The following FRAS1 variants were observed in gnomAD, a reference collection of about 807,000 sequenced individuals.
The protein encoded by FRAS1 is Fraser extracellular matrix complex subunit 1, also known as extracellular matrix organizing protein FRAS1.
FRAS1 carries 290 observed loss-of-function variants against 435.2 expected under a neutral mutation model. That is an observed-to-expected ratio of 0.67 (90% CI 0.61 to 0.73). The LOEUF (loss-of-function observed/expected upper bound fraction) is 0.73, where lower values mean the gene tolerates loss of function less well. Among genes scored for constraint, FRAS1 ranks in the 30% least tolerant of loss-of-function variants. The probability of loss-of-function intolerance (pLI) is 0.00; values close to 1 mark genes in which losing one functional copy is unlikely to be tolerated. For synonymous variants in FRAS1, 1,800 were observed against 1,851.0 expected (o/e 0.97, Z 0.71); for missense variants, 4,860 against 5,001.5 (o/e 0.97, Z 0.85).
intron 2 of FRAS1, among the ~76,000 whole-genome samples, chr4:78,072,803 TA>T (rs1740424038): frequency 1.1e-5 from 1 of 93,184 alleles, no homozygotes; most frequent in Admixed American, 1.1e-4. Flanking sequence ...GATAAAAACT[TA>T]TTTTTTTTGC....
In FRAS1 at chr4:78,438,658, T is replaced by A. The variant is rs747610139; in HGVS notation, c.5306T>A (p.Val1769Glu). 7 of 1,613,044 alleles carry A rather than the reference T, an allele frequency of 4.3e-6. No homozygotes were observed. Among genetic ancestry groups the A allele is most frequent in the Non-Finnish European group, 5.9e-6 (7 of 1,179,284 alleles). ...GTLLRISGSE[V>E]EELSEVSNFT... is the part of the protein sequence containing the mutation. Reference sequence around the variant, plus strand: ...CTCTTAAGAATCTCAGGATCTGAGGTGGAAGAGCTCTCAGAAGTTTCCAAT... The same window carrying A: ...CTCTTAAGAATCTCAGGATCTGAGGAGGAAGAGCTCTCAGAAGTTTCCAAT... The change falls in exon 39 of 74, where the codon GTG becomes GAG. Residue 1769 changes from valine to glutamate, a missense_variant. Transcript: ENST00000512123.
intron 2 of FRAS1, chr4:78,070,934 T>C (rs1196122959): frequency 6.6e-6 from 1 of 152,198 alleles, no homozygotes; most frequent in East Asian, 1.9e-4. Context: ...GTGCTGTGAC[T>C]TACAGTGCTC....
At chr4:78,124,922 A>T (rs369752083) in intron 2 of FRAS1, among the ~76,000 whole-genome samples, 2 of 151,866 alleles carry the variant, frequency 1.3e-5, no homozygotes, top group East Asian at 3.9e-4. Flanking sequence ...TATTATGTTG[A>T]TCTTTTCAGA....
rs1199324003 is a variant in FRAS1 at position 78,445,512 on chromosome 4, G to A, written c.5666-10G>A. The A allele has an allele frequency of 6.5e-7, 1 of 1,543,444 alleles. No individual in the cohort carries two copies. The highest frequency in any genetic ancestry group is 1.4e-5 in the African/African-American group (1 of 73,040). On this transcript the variant is annotated splice_polypyrimidine_tract_variant and intron_variant, in intron 41 of 73. Coordinates refer to ENST00000512123, the MANE Select transcript of FRAS1 (RefSeq NM_025074.7). ...ATCAAGGTAAAAATGCTCTCTTGAT[G>A]TTGATGCAGGTGATCGTTTTGGCCC...
At chr4:78,117,655 C>G (rs1001238141) in intron 2 of FRAS1, among the ~76,000 whole-genome samples, 4 of 152,130 alleles carry the variant, frequency 2.6e-5, no homozygotes, top group Non-Finnish European at 5.9e-5. Flanking sequence ...TCATGTAGTT[C>G]TCGTGCCATG....
intron 36 of FRAS1, 61 bp from the exon 37 acceptor site, chr4:78,430,231 A>T: frequency 6.2e-7 from 1 of 1,607,058 alleles, no homozygotes; most frequent in Non-Finnish European, 8.5e-7. Context: ...GTTTTAATAT[A>T]TAGTCTATCG....
chr4:78,078,333 A>C (rs1260969807), intron 2 of FRAS1, among the ~76,000 whole-genome samples: 1 of 152,156 alleles, frequency 6.6e-6, no homozygotes, highest in Non-Finnish European at 1.5e-5. Flanking sequence ...TTTAAAAAGC[A>C]TGTTTGTCTA....
At chr4:78,342,111 G>T (rs896548473) in intron 20 of FRAS1, among the ~76,000 whole-genome samples, 1 of 152,154 alleles carries the variant, frequency 6.6e-6, no homozygotes. Context: ...TATCCTCTCC[G>T]TGTCCTTGGG....
intron 2 of FRAS1, among the ~76,000 whole-genome samples, chr4:78,121,518 C>T (rs1242313101): frequency 9.9e-5 from 15 of 152,196 alleles, no homozygotes; most frequent in Admixed American, 9.8e-4. Flanking sequence ...ATCAAGCACA[C>T]TCTGTCTATG....
At chr4:78,101,325 A>T (rs1292341686) in intron 2 of FRAS1, among the ~76,000 whole-genome samples, 2 of 152,140 alleles carry the variant, frequency 1.3e-5, no homozygotes, top group Non-Finnish European at 2.9e-5. Flanking sequence ...TTCAACATTT[A>T]GCTCATGTTT....
chr4:78,464,484 T>C lies in FRAS1; in HGVS notation c.6930T>C (p.Asp2310=). 1 of 1,613,998 alleles carries C rather than the reference T, an allele frequency of 6.2e-7. No homozygotes were observed. Among genetic ancestry groups the C allele is most frequent in the African/African-American group, 1.3e-5 (1 of 75,062 alleles). The change falls in exon 49 of 74, where the codon GAT becomes GAC. Residue 2310 remains aspartate, a synonymous_variant. Transcript: ENST00000512123. ...TFHITLHPVD[D]SLPVVQNLGM... is the part of the protein sequence containing the mutation. ...ATATCACTCTTCACCCTGTCGATGATTCGCTGCCCGTCGTACAGAACTTAG... is the reference window on the plus strand; with the variant it reads ...ATATCACTCTTCACCCTGTCGATGACTCGCTGCCCGTCGTACAGAACTTAG...
intron 2 of FRAS1, among the ~76,000 whole-genome samples, chr4:78,232,855 A>G (rs1489416281): frequency 6.6e-6 from 1 of 152,250 alleles, no homozygotes; most frequent in African/African-American, 2.4e-5. Flanking sequence ...TTTGAGATAT[A>G]CAAAGAGGAA....
Position 78,402,725 on chromosome 4 carries a change from T to C in FRAS1, c.4129+1838T>C, listed in dbSNP as rs369780000. ...AGTTTTCCCACCAATGCCCTTTCTA[T>C]GACCCAATCCAGGATCTCAATTACA... is the stretch of plus-strand genomic sequence containing the variant. On this transcript the variant is annotated intron_variant, in intron 30 of 73. Transcript: ENST00000512123. 6.2e-4 allele frequency among the ~76,000 whole-genome samples: 94 copies of C among 152,328 alleles called. 1 individual carries two copies. The highest frequency in any genetic ancestry group is 2.1e-3 in the African/African-American group (88 of 41,586).
chr4:78,369,359 C>T (rs1731406079), intron 22 of FRAS1, among the ~76,000 whole-genome samples: 1 of 152,160 alleles, frequency 6.6e-6, no homozygotes, highest in South Asian at 2.1e-4. Context: ...TGTAACTAGG[C>T]AAATCAATAA....
At chr4:78,356,787 A>T (rs1730873899) in intron 20 of FRAS1, among the ~76,000 whole-genome samples, 1 of 151,340 alleles carries the variant, frequency 6.6e-6, no homozygotes, top group Admixed American at 6.6e-5. Context: ...TTCTCCTAAC[A>T]TGAGTTGCCT....
intron 14 of FRAS1, among the ~76,000 whole-genome samples, chr4:78,307,054 C>G (rs1039383881): frequency 3.3e-5 from 5 of 152,134 alleles, no homozygotes; most frequent in African/African-American, 4.8e-5. Flanking sequence ...GTGTGGATGT[C>G]CTTTCTGTTT....
At chr4:78,516,098 C>A in intron 66 of FRAS1, 85 bp downstream of exon 66, 1 of 1,060,600 alleles carries the variant, frequency 9.4e-7, no homozygotes, top group Non-Finnish European at 1.4e-6. Context: ...TCAATTAGCA[C>A]TTTGCCTCCA....
In FRAS1 at chr4:78,320,187, A is replaced by G. The variant is rs1001042377; in HGVS notation, c.2137+1201A>G. The stretch of plus-strand genomic sequence containing the variant: ...AAGGGAAGGTCACCACTCTCCAGAC[A>G]TCCTGGTTTCTACCCATGTATGCAT... On this transcript the variant is annotated intron_variant, in intron 18 of 73. Transcript: ENST00000512123. Among the ~76,000 whole-genome samples, 5 of 152,284 alleles carry G rather than the reference A, an allele frequency of 3.3e-5. No homozygotes were observed. The East Asian group carries it at 5.8e-4, about 18-fold the overall frequency.
intron 42 of FRAS1, 43 bp downstream of exon 42, chr4:78,445,755 A>G (rs1718800308): frequency 1.2e-6 from 2 of 1,611,530 alleles, no homozygotes; most frequent in Non-Finnish European, 1.7e-6. Context: ...CTTGACCACA[A>G]TATTTCACAC....
Sources: gnomAD v4.1 joint callset for allele counts (sites outside exome capture counted in the v4.1 genomes callset) on GRCh38, gnomAD v4.1.1 for gene constraint, MANE v1.5 for transcripts, NCBI Gene and HGNC (gene_info 2026-07-23, HGNC 2026-07-21) for gene names.